DVL1: variants seen among roughly 807,000 people sequenced by gnomAD.
DVL1 encodes dishevelled segment polarity protein 1.
Under a neutral mutation model 65.0 loss-of-function variants are expected in DVL1, and 49 were observed. The observed-to-expected ratio is 0.75, with a 90% CI of 0.60 to 0.96. The LOEUF is 0.96. Among genes scored for constraint, DVL1 ranks in the 40% least tolerant of loss-of-function variants. DVL1 has a pLI of 0.00. For missense variants in DVL1, 1,197 were observed against 1,045.4 expected, an observed-to-expected ratio of 1.15 and a Z score of -2.00; for synonymous variants, 608 against 433.9, an observed-to-expected ratio of 1.40 and a Z score of -4.99.
chr1:1,342,793 G>T (rs756018091), intron 1 of DVL1, 35 bp from the exon 2 acceptor site: 1 of 1,609,456 alleles, frequency 6.2e-7, no homozygotes, highest in East Asian at 2.2e-5. Flanking sequence ...CCCCACCTGG[G>T]GGGCCCAACC....
intron 14 of DVL1, among the ~76,000 whole-genome samples, chr1:1,336,864 C>A (rs1643595889): frequency 6.6e-6 from 1 of 152,156 alleles, no homozygotes; most frequent in African/African-American, 2.4e-5. Flanking sequence ...ATCCTGGATT[C>A]CCCACCCAAG....
intron 1 of DVL1, among the ~76,000 whole-genome samples, chr1:1,344,415 G>A (rs1258639128): frequency 1.3e-5 from 2 of 152,136 alleles, no homozygotes; most frequent in East Asian, 1.9e-4. Flanking sequence ...GGAGGCCCCC[G>A]GCAAAGTGGC....
At chr1:1,340,349 C>A (rs936672113) in intron 6 of DVL1, 33 bp from the exon 7 acceptor site, 16 of 1,613,668 alleles carry the variant, frequency 9.9e-6, no homozygotes, top group Admixed American at 1.7e-5. Flanking sequence ...GTAAAAGGCA[C>A]GGGGCTGCCC....
intron 5 of DVL1, among the ~76,000 whole-genome samples, chr1:1,341,009 C>CACACCCCTGCACAAT (rs1643794032): frequency 1.4e-5 from 2 of 145,828 alleles, no homozygotes; most frequent in African/African-American, 5.2e-5. Context: ...CACCTGCACA[C>CACACCCCTGCACAAT]GCACCCCTGC....
intron 14 of DVL1, 74 bp from the exon 15 acceptor site, chr1:1,336,589 C>G: frequency 6.9e-7 from 1 of 1,459,804 alleles, no homozygotes; most frequent in South Asian, 1.4e-5. Context: ...ACCGCCCCCG[C>G]CAGGTGACCG....
In DVL1 at chr1:1,336,138, C is replaced by A. The variant is rs747052391; in HGVS notation, c.*4G>T. The A allele has an allele frequency of 1.9e-6, 3 of 1,573,690 alleles. No individual in the cohort carries two copies. In the African/African-American group the frequency reaches 4.0e-5, roughly 21 times the overall value. ...TCAGGCAGGGCTGGGGCATGCGCCA[C>A]GAGTCACATGATGTCCACGAAGAAC... On this transcript the variant is annotated 3_prime_UTR_variant, in exon 15 of 15. Transcript: ENST00000378888.
At chr1:1,347,926 G>A (rs545989781) in intron 1 of DVL1, among the ~76,000 whole-genome samples, 6 of 152,298 alleles carry the variant, frequency 3.9e-5, no homozygotes, top group East Asian at 3.9e-4. Flanking sequence ...GCTCCAGAGC[G>A]GACCCAGCCT....
rs995295861 is a variant in DVL1, at chr1:1,342,118, T to A, written c.401A>T (p.Glu134Val). 2.5e-6 allele frequency: 4 copies of A among 1,591,756 alleles called. No homozygotes were observed. The Admixed American group carries it at 7.1e-5, about 28-fold the overall frequency. Residue 134 changes from glutamate to valine, a missense_variant, in exon 4 of 15, where the codon GAG becomes GTG. Transcript: ENST00000378888. ...VASSRDGMDN[E>V]TGTESMVSHR... The stretch of plus-strand genomic sequence containing the variant: ...ACTGACCATGGACTCCGTGCCTGTC[T>A]CGTTGTCCATCCCGTCACGGCTGCT...
At chr1:1,348,073 G>A (rs923427573) in intron 1 of DVL1, among the ~76,000 whole-genome samples, 1 of 152,318 alleles carries the variant, frequency 6.6e-6, no homozygotes, top group East Asian at 1.9e-4. Flanking sequence ...CGAGGCCTGA[G>A]CCCGCCCCCA....
At position 1,348,931 on chromosome 1, in the gene DVL1, G is replaced by A. The variant is rs541628846; in HGVS notation, c.135C>T (p.Tyr45=). ...GGTCCATGGACTTAAAGAAGAATTT[G>A]TAGGCGTGCACGGGCCGGTTGCTGA... The part of the protein sequence containing the change: ...NVLSNRPVHA[Y]KFFFKSMDQD... Residue 45 remains tyrosine (Y), a synonymous_variant, in exon 1 of 15, where the codon TAC becomes TAT. Coordinates refer to ENST00000378888, the MANE Select transcript of DVL1 (RefSeq NM_001330311.2). 3.6e-5 allele frequency: 56 copies of A among 1,572,516 alleles called. 1 individual carries two copies. In the South Asian group the frequency reaches 5.4e-4, roughly 15 times the overall value.
chr1:1,336,980 G>A, intron 14 of DVL1: 2 of 991,962 alleles, frequency 2.0e-6, no homozygotes, highest in Non-Finnish European at 2.4e-6. Context: ...GGCTGGCTGG[G>A]GACATGCTGA....
chr1:1,343,124 C>G (rs539722257), intron 1 of DVL1, among the ~76,000 whole-genome samples: 1 of 152,280 alleles, frequency 6.6e-6, no homozygotes, highest in East Asian at 1.9e-4. Context: ...GTCCCCAGCC[C>G]CCAGGTAGGA....
intron 2 of DVL1, 58 bp downstream of exon 2, chr1:1,342,631 A>G: frequency 6.3e-7 from 1 of 1,599,754 alleles, no homozygotes; most frequent in East Asian, 2.2e-5. Context: ...CCCCAGGAAG[A>G]GCCCCACCCT....
At chr1:1,339,197 T>C (rs1643696056) in intron 11 of DVL1, 90 bp downstream of exon 11, 2 of 1,500,164 alleles carry the variant, frequency 1.3e-6, no homozygotes, top group East Asian at 2.5e-5. Flanking sequence ...CACAGCCCCA[T>C]GACGGCCACA....
chr1:1,339,602 C>T lies in DVL1; in HGVS notation c.1034G>A (p.Ser345Asn). The T allele has an allele frequency of 6.2e-7, 1 of 1,607,256 alleles. No individual in the cohort carries two copies. Among genetic ancestry groups the T allele is most frequent in the Non-Finnish European group, 8.5e-7 (1 of 1,176,136 alleles). The change falls in exon 10 of 15, where the codon AGC becomes AAC. Residue 345 changes from serine to asparagine, a missense_variant. Transcript: ENST00000378888. ...VAKCWDPTPR[S>N]YFTVPRADPV... The stretch of plus-strand genomic sequence containing the variant: ...CTCACCCCGTGGGACGGTGAAGTAG[C>T]TTCGGGGCGTTGGGTCCCAGCACTT...
At chr1:1,341,922 C>G (rs1643845084) in intron 4 of DVL1, 117 bp from the exon 5 acceptor site, 5 of 1,463,880 alleles carry the variant, frequency 3.4e-6, no homozygotes, top group Non-Finnish European at 4.6e-6. Context: ...CAACTGTAGG[C>G]TCGCTGGGCC....
Position 1,338,605 on chromosome 1 carries a change from A to C in DVL1, c.1256T>G (p.Val419Gly). The C allele has an allele frequency of 6.2e-7, 1 of 1,612,182 alleles. No individual in the cohort carries two copies. The highest frequency in any genetic ancestry group is 8.5e-7 in the Non-Finnish European group (1 of 1,179,866). The change falls in exon 12 of 15, where the codon GTC (valine) becomes GGC (glycine). Residue 419 changes from valine (V) to glycine (G), a missense_variant. Physicochemically the swap from Val to Gly is moderately radical, Grantham distance 109. Coordinates refer to ENST00000378888, the MANE Select transcript of DVL1 (RefSeq NM_001330311.2). The part of the protein sequence containing the change: ...LTVKSDMSAV[V>G]RVMQLPDSGL... ...CGAGTCTGGCAGCTGCATGACCCGG[A>C]CGACGGCGCTCATGTCACTCTTCAC...
rs1172618610 is a variant in DVL1 at position 1,335,341 on chromosome 1, T to G, written c.*801A>C. 1 of 152,254 alleles carries G rather than the reference T, an allele frequency of 6.6e-6. No individual in the cohort carries two copies. Among genetic ancestry groups the G allele is most frequent in the Non-Finnish European group, 1.5e-5 (1 of 68,070 alleles). The allele number at this position is 152,254 out of a possible 1,614,324, so 9.4% of individuals were successfully genotyped here. A position where few individuals can be genotyped will look rare whatever the true frequency, so the allele number is the denominator to read the frequency against. ...CAGCATTTACACAGAAGCAGCTCTA[T>G]GTTAACCATCTAAACGCTGGGACTT... On this transcript the variant is annotated 3_prime_UTR_variant, in exon 15 of 15. Transcript: ENST00000378888.
intron 1 of DVL1, among the ~76,000 whole-genome samples, chr1:1,348,682 G>A (rs1023855775): frequency 1.3e-5 from 2 of 152,124 alleles, no homozygotes; most frequent in Non-Finnish European, 1.5e-5. Context: ...CAGGGACGCC[G>A]GGAACCCCGC....
Sources: allele counts gnomAD v4.1 joint callset (sites outside exome capture counted in the v4.1 genomes callset), GRCh38; gene constraint gnomAD v4.1.1; transcripts MANE v1.5; gene names NCBI Gene and HGNC (gene_info 2026-07-23, HGNC 2026-07-21).